SMARCA2: variants seen among roughly 807,000 people sequenced by gnomAD.
SMARCA2 encodes the protein SWI/SNF related BAF chromatin remodeling complex subunit ATPase 2.
In SMARCA2, 61 loss-of-function variants were observed where a neutral mutation model predicts 199.8. The ratio of observed to expected loss-of-function variants is 0.31; its 90% CI spans 0.25 to 0.38. The LOEUF is 0.38. Ranked by LOEUF, SMARCA2 falls within the 10% of genes least tolerant of loss-of-function variation. The pLI, the probability that SMARCA2 is intolerant of heterozygous loss-of-function variation, is 1.00. For missense variants in SMARCA2, 1,344 were observed against 2,012.2 expected (o/e 0.67, Z 6.35); for synonymous variants, 935 against 732.0 (o/e 1.28, Z -4.48).
chr9:2,067,037 A>G (rs1820872609), intron 9 of SMARCA2, among the ~76,000 whole-genome samples: 3 of 152,208 alleles, frequency 2.0e-5, no homozygotes, highest in African/African-American at 4.8e-5. Flanking sequence ...GAATCCAAAG[A>G]ATGATGGGAG....
intron 29 of SMARCA2, chr9:2,181,192 A>T (rs1826996013): frequency 7.8e-6 from 1 of 128,510 alleles, no homozygotes; most frequent in African/African-American, 2.6e-5. Flanking sequence ...GTATATTTTT[A>T]TATATATGTA....
intron 27 of SMARCA2, among the ~76,000 whole-genome samples, chr9:2,134,088 G>T (rs924740893): frequency 6.6e-6 from 1 of 152,140 alleles, no homozygotes; most frequent in African/African-American, 2.4e-5. Flanking sequence ...TAGCTATTAA[G>T]AAAAAGTTTC....
At chr9:2,106,124 A>G (rs1222633019) in intron 23 of SMARCA2, among the ~76,000 whole-genome samples, 1 of 152,184 alleles carries the variant, frequency 6.6e-6, no homozygotes, top group African/African-American at 2.4e-5. Context: ...TAAATAAGCT[A>G]CTGTTATCCC....
chr9:2,072,011 T>TCC (rs1821110651), intron 10 of SMARCA2: 2 of 152,216 alleles, frequency 1.3e-5, no homozygotes, highest in Admixed American at 1.3e-4. Flanking sequence ...ATTGCTAATA[T>TCC]ATTGTTTCTT....
intron 27 of SMARCA2, among the ~76,000 whole-genome samples, chr9:2,140,122 CCAAGA>C (rs1824393903): frequency 6.6e-6 from 1 of 152,140 alleles, no homozygotes; most frequent in Non-Finnish European, 1.5e-5. Flanking sequence ...TCTGCATAGA[CCAAGA>C]CCAAGAGTTT....
chr9:2,155,450 T>C (rs12551253), intron 27 of SMARCA2, among the ~76,000 whole-genome samples: 5,908 of 152,078 alleles, frequency 0.039, 236 homozygotes, highest in African/African-American at 0.095. Context: ...ACCTGGCTAA[T>C]GTTTGTATTT....
intron 27 of SMARCA2, among the ~76,000 whole-genome samples, chr9:2,131,735 C>T (rs928382650): frequency 2.6e-5 from 4 of 152,180 alleles, no homozygotes; most frequent in Admixed American, 2.6e-4. Context: ...AATCCCAGCA[C>T]TTTGGGAGGT....
chr9:2,067,163 C>G (rs1201568424), intron 9 of SMARCA2, among the ~76,000 whole-genome samples: 1 of 152,196 alleles, frequency 6.6e-6, no homozygotes, highest in East Asian at 1.9e-4. Context: ...ACACAGAGCA[C>G]CAATTCAATG....
At chr9:2,158,519 C>T (rs1825492974) in intron 27 of SMARCA2, 1 of 157,898 alleles carries the variant, frequency 6.3e-6, no homozygotes, top group Non-Finnish European at 1.4e-5. Context: ...AGGGCTCGCA[C>T]TCTTGCGCAA....
At chr9:2,160,416 T>A (rs1825606062) in intron 27 of SMARCA2, 1 of 549,494 alleles carries the variant, frequency 1.8e-6, no homozygotes, top group Non-Finnish European at 3.2e-6. Context: ...AAAACATATT[T>A]TTTTAAAAAT....
intron 27 of SMARCA2, among the ~76,000 whole-genome samples, chr9:2,144,587 G>A (rs1459345964): frequency 6.6e-6 from 1 of 152,170 alleles, no homozygotes; most frequent in Admixed American, 6.5e-5. Flanking sequence ...CCTCCCATCA[G>A]TAGTTAGGAG....
chr9:2,074,261 T>C (rs546150708), intron 12 of SMARCA2, among the ~76,000 whole-genome samples: 2 of 143,004 alleles, frequency 1.4e-5, no homozygotes, highest in Non-Finnish European at 3.1e-5. Flanking sequence ...ATAAAATATT[T>C]GTTAAATCAG....
intron 27 of SMARCA2, among the ~76,000 whole-genome samples, chr9:2,125,155 G>A (rs778321325): frequency 1.5e-4 from 23 of 152,170 alleles, no homozygotes; most frequent in Non-Finnish European, 2.2e-4. Context: ...TGTATGATGA[G>A]AGGGACGTGA....
Position 2,087,064 on chromosome 9 carries a change from G to C in SMARCA2, c.2762G>C (p.Gly921Ala), listed in dbSNP as rs1196279821. The change falls in exon 18 of 34, where the codon GGT (glycine) becomes GCT (alanine). Residue 921 changes from glycine (G) to alanine (A), a missense_variant. Physicochemically the swap from Gly to Ala is moderately conservative, Grantham distance 60. Transcript: ENST00000349721. ...QWFNAPFAMT[G>A]ERVDLNEEET... ...TTCAATGCTCCATTTGCCATGACTG[G>C]TGAAAGGGTACTGGTCTGAGTTCTG... 6.2e-7 allele frequency: 1 copy of C among 1,614,178 alleles called. No homozygotes were observed. Among genetic ancestry groups the C allele is most frequent in the African/African-American group, 1.3e-5 (1 of 75,054 alleles).
intron 19 of SMARCA2, among the ~76,000 whole-genome samples, chr9:2,093,317 A>AT (rs1348169825): frequency 6.6e-6 from 1 of 152,232 alleles, no homozygotes; most frequent in African/African-American, 2.4e-5. Flanking sequence ...TAGAACAATC[A>AT]TATATATTGA....
chr9:2,024,569 A>G (rs1417666487), intron 1 of SMARCA2, among the ~76,000 whole-genome samples: 1 of 152,154 alleles, frequency 6.6e-6, no homozygotes, highest in African/African-American at 2.4e-5. Context: ...TTACTTCTCT[A>G]GCCTGTGGTA....
Position 2,170,292 on chromosome 9 carries a change from C to A in SMARCA2, c.4200-127C>A. ...GGTTCCAAACATAACCCCGTGTAAT[C>A]TTCCTAACAAGGCAGGTTGGTGAGG... On this transcript the variant is annotated intron_variant, in intron 28 of 33. Coordinates refer to ENST00000349721, the MANE Select transcript of SMARCA2 (RefSeq NM_003070.5). The surrounding 1 kb of genome is among the most constrained non-coding windows in gnomAD (Gnocchi z 4.7). 1 of 1,167,334 alleles carries A rather than the reference C, an allele frequency of 8.6e-7. No individual in the cohort carries two copies. Among genetic ancestry groups the A allele is most frequent in the Non-Finnish European group, 1.2e-6 (1 of 823,662 alleles). The allele number at this position is 1,167,334 out of a possible 1,614,324, so 72.3% of individuals were successfully genotyped here.
intron 19 of SMARCA2, among the ~76,000 whole-genome samples, chr9:2,094,626 C>T (rs906077148): frequency 7.2e-5 from 11 of 152,322 alleles, no homozygotes; most frequent in South Asian, 4.1e-4. Context: ...AGAGTGGATT[C>T]TATTTCAAAT....
At chr9:2,186,676 C>T (rs527866347) in intron 32 of SMARCA2, among the ~76,000 whole-genome samples, 30 of 152,250 alleles carry the variant, frequency 2.0e-4, no homozygotes, top group African/African-American at 6.3e-4. Context: ...CAGGCGTGTG[C>T]CACCACGCCC....
Sources: allele counts gnomAD v4.1 joint callset (sites outside exome capture counted in the v4.1 genomes callset), GRCh38; gene constraint gnomAD v4.1.1; non-coding constraint Gnocchi (gnomAD v3.1); transcripts MANE v1.5; gene names NCBI Gene and HGNC (gene_info 2026-07-23, HGNC 2026-07-21).